Variants in BRSK2 observed in about 807,000 individuals in gnomAD.
The protein encoded by BRSK2 is serine/threonine-protein kinase BRSK2.
A neutral mutation model predicts 83.3 loss-of-function variants in BRSK2; 19 were observed. The ratio of observed to expected loss-of-function variants is 0.23; its 90% confidence interval spans 0.16 to 0.33. The LOEUF is 0.33. BRSK2 is among the 10% of genes least tolerant of loss of function. The pLI is 1.00. For missense variants in BRSK2, 798 were observed against 1,042.3 expected, an observed-to-expected ratio of 0.77 and a Z score of 3.23; for synonymous variants, 519 against 435.4, an observed-to-expected ratio of 1.19 and a Z score of -2.39.
At chr11:1,450,817 C>A (rs777606638) in intron 14 of BRSK2, 23 bp downstream of exon 14, 74 of 1,576,586 alleles carry the variant, frequency 4.7e-5, no homozygotes, top group Non-Finnish European at 6.3e-5. Flanking sequence ...CCGGAGGCGC[C>A]AGAGTGGGGC....
chr11:1,390,476 C>A lies in BRSK2; in HGVS notation c.91+101C>A. On this transcript the variant is annotated intron_variant, in intron 1 of 19. Transcript: ENST00000528841. This position sits in a 1 kb window ranked among gnomAD's most constrained non-coding sequence, Gnocchi z 6.8. ...AGGCCCCGGCCGCGAAGCCGCAGGC[C>A]CGGCCCGGGCCCCGGCCGCGAACAA... is the stretch of plus-strand genomic sequence containing the variant. 1 of 582,060 alleles carries A rather than the reference C, an allele frequency of 1.7e-6. No individual in the cohort carries two copies. The highest frequency in any genetic ancestry group is 2.2e-6 in the Non-Finnish European group (1 of 463,000). The allele number at this position is 582,060 out of a possible 1,614,324, so 36.1% of individuals were successfully genotyped here. A position where few individuals can be genotyped will look rare whatever the true frequency, so the allele number is the denominator to read the frequency against.
Position 1,423,069 on chromosome 11 carries a change from C to T in BRSK2, c.92-12971C>T, listed in dbSNP as rs377396470. Among the ~76,000 whole-genome samples the T allele has an allele frequency of 9.8e-5, 15 of 152,294 alleles. No individual in the cohort carries two copies. In the South Asian group the frequency reaches 1.7e-3, roughly 17 times the overall value. ...GCCTTAGCTCAGCCAGACAGCAGCC[C>T]GGAGGGTTAATGTCCAGGTACCTCC... On this transcript the variant is annotated intron_variant, in intron 1 of 19. Transcript: ENST00000528841. The surrounding 1 kb of genome is among the most constrained non-coding windows in gnomAD (Gnocchi z 6.5).
rs3829225 is a variant in BRSK2 at position 1,461,621 on chromosome 11, T to C, written c.*898T>C. Reference sequence around the variant, plus strand: ...GCGGCCACATCCCCTGCCGTCTGCGTGTCTCAGGCAGTGGGGGGGCTGGGG... The same window carrying C: ...GCGGCCACATCCCCTGCCGTCTGCGCGTCTCAGGCAGTGGGGGGGCTGGGG... On this transcript the variant is annotated 3_prime_UTR_variant, in exon 20 of 20. Coordinates refer to ENST00000528841, the MANE Select transcript of BRSK2 (RefSeq NM_001256627.2). 0.69 allele frequency: 105,443 copies of C among 152,842 alleles called. 36,952 individuals are homozygous for C. The highest frequency in any genetic ancestry group is 0.74 in the African/African-American group (30,685 of 41,532). 9.5% of individuals were successfully genotyped at this position (152,842 alleles called of 1,614,324 possible).
intron 1 of BRSK2, among the ~76,000 whole-genome samples, chr11:1,429,200 T>C (rs1369545825): frequency 7.1e-6 from 1 of 141,522 alleles, no homozygotes; most frequent in Non-Finnish European, 1.5e-5. Flanking sequence ...TGTGCATGGG[T>C]GTGTGTGCAC....
chr11:1,399,840 C>T (rs1460957477), intron 1 of BRSK2, among the ~76,000 whole-genome samples: 1 of 152,140 alleles, frequency 6.6e-6, no homozygotes, highest in African/African-American at 2.4e-5. Context: ...CGTGGCTGAA[C>T]CCCAGCTCTG....
chr11:1,450,197 C>T (rs1845642171), intron 13 of BRSK2, among the ~76,000 whole-genome samples: 1 of 151,904 alleles, frequency 6.6e-6, no homozygotes, highest in Non-Finnish European at 1.5e-5. Flanking sequence ...CCCCACCCCG[C>T]TCGCTCCCTG....
chr11:1,449,069 G>C (rs905320527), intron 12 of BRSK2, among the ~76,000 whole-genome samples: 3 of 152,230 alleles, frequency 2.0e-5, no homozygotes, highest in Non-Finnish European at 4.4e-5. Context: ...GCGCCGGCTC[G>C]TCCGTGCAGT....
At chr11:1,411,515 G>A in intron 1 of BRSK2, 1 of 1,512,432 alleles carries the variant, frequency 6.6e-7, no homozygotes, top group South Asian at 1.3e-5. Context: ...CGGTGGGCAG[G>A]GGAGGGGCCG....
intron 1 of BRSK2, among the ~76,000 whole-genome samples, chr11:1,426,365 G>T (rs910692936): frequency 2.0e-5 from 3 of 152,174 alleles, no homozygotes; most frequent in Admixed American, 6.5e-5. Context: ...GATCTGTGGG[G>T]TGTAAATACC....
chr11:1,394,815 C>T (rs1438580518), intron 1 of BRSK2, among the ~76,000 whole-genome samples: 1 of 84,632 alleles, frequency 1.2e-5, no homozygotes, highest in African/African-American at 4.8e-5. Flanking sequence ...TGGAGATGGG[C>T]CATGGAGATG....
chr11:1,451,252 G>T (rs1021681633), intron 14 of BRSK2, 119 bp from the exon 15 acceptor site: 27 of 1,156,672 alleles, frequency 2.3e-5, no homozygotes, highest in Non-Finnish European at 3.3e-5. Flanking sequence ...CCCTGGGGGG[G>T]CTGTCCCAGT....
At chr11:1,429,372 C>T (rs1246828208) in intron 1 of BRSK2, among the ~76,000 whole-genome samples, 1 of 150,756 alleles carries the variant, frequency 6.6e-6, no homozygotes, top group Non-Finnish European at 1.5e-5. Flanking sequence ...TGGGTGTGTG[C>T]ACATGGGTGT....
intron 1 of BRSK2, among the ~76,000 whole-genome samples, chr11:1,420,000 ACACC>A (rs201886319): frequency 0.024 from 3,643 of 152,290 alleles, 55 homozygotes; most frequent in Non-Finnish European, 0.033. Context: ...GCCTCCTCCC[ACACC>A]CGGGCACGTG....
At chr11:1,449,737 C>T (rs769944640) in intron 12 of BRSK2, 39 bp from the exon 13 acceptor site, 3 of 1,586,928 alleles carry the variant, frequency 1.9e-6, no homozygotes, top group Admixed American at 1.7e-5. Flanking sequence ...CTCCACTGCC[C>T]CCTGGCTGAG....
chr11:1,401,077 T>C (rs1846443950), intron 1 of BRSK2, among the ~76,000 whole-genome samples: 2 of 152,128 alleles, frequency 1.3e-5, no homozygotes, highest in South Asian at 2.1e-4. Context: ...GCAGACAGAA[T>C]AGTGGTGGAG....
intron 16 of BRSK2, among the ~76,000 whole-genome samples, chr11:1,456,124 G>C (rs1846499662): frequency 6.6e-6 from 1 of 152,144 alleles, no homozygotes; most frequent in Non-Finnish European, 1.5e-5. Context: ...CAGGGGCTTA[G>C]CTGTGCCCGC....
At chr11:1,459,437 C>A in intron 19 of BRSK2, 198 bp downstream of exon 19, 1 of 625,890 alleles carries the variant, frequency 1.6e-6, no homozygotes. Context: ...CAAGCCCAGG[C>A]GGGGTTCCTG....
At chr11:1,449,943 C>T in intron 13 of BRSK2, 107 bp downstream of exon 13, 1 of 749,612 alleles carries the variant, frequency 1.3e-6, no homozygotes, top group Non-Finnish European at 2.3e-6. Context: ...GGAAGCAGCC[C>T]CAGGCGCCCC....
intron 16 of BRSK2, among the ~76,000 whole-genome samples, chr11:1,455,016 G>C (rs548175328): frequency 2.0e-5 from 3 of 152,258 alleles, no homozygotes; most frequent in African/African-American, 7.2e-5. Context: ...GGGCTCTGCT[G>C]GCCCTCAGTG....
Sources: allele counts gnomAD v4.1 joint callset (sites outside exome capture counted in the v4.1 genomes callset), GRCh38; gene constraint gnomAD v4.1.1; non-coding constraint Gnocchi (gnomAD v3.1); transcripts MANE v1.5; gene names NCBI Gene and HGNC (gene_info 2026-07-23, HGNC 2026-07-21).